Variants in TNFRSF14 observed in about 807,000 individuals in gnomAD.
The protein encoded by TNFRSF14 is tumor necrosis factor receptor superfamily member 14.
In TNFRSF14, 18 loss-of-function variants were observed where a neutral mutation model predicts 34.1. The observed-to-expected ratio is 0.53, with a 90% CI of 0.36 to 0.78. The LOEUF is 0.78. TNFRSF14 is among the 30% of genes least tolerant of loss of function. The probability of loss-of-function intolerance (pLI) is 0.00; values close to 1 mark genes in which losing one functional copy is unlikely to be tolerated. For synonymous variants in TNFRSF14, 157 were observed against 153.2 expected, an observed-to-expected ratio of 1.02 and a Z score of -0.18; for missense variants, 352 against 379.5, an observed-to-expected ratio of 0.93 and a Z score of 0.60.
In TNFRSF14 at chr1:2,560,623, G is replaced by A; in HGVS notation, c.461-1G>A. On this transcript the variant is annotated splice_acceptor_variant, in intron 4 of 7. Transcript: ENST00000355716. LOFTEE classifies it high-confidence loss of function. Reference sequence around the variant, plus strand: ...CCCTCTGTCCGTCCCTCTCTTCTCAGGCACCGAGAGTCAGGACACCCTGTG... The same window carrying A: ...CCCTCTGTCCGTCCCTCTCTTCTCAAGCACCGAGAGTCAGGACACCCTGTG... 1 of 1,612,796 alleles carries A rather than the reference G, an allele frequency of 6.2e-7. No individual in the cohort carries two copies. The highest frequency in any genetic ancestry group is 8.5e-7 in the Non-Finnish European group (1 of 1,179,622).
In TNFRSF14 at chr1:2,560,491, G is replaced by A. The variant is rs1452216266; in HGVS notation, c.461-133G>A. ...CTCCAAGACTCTGGACAGGGAGCCT[G>A]CCCCTCCCCGCTGGTCCTCCCATCA... On this transcript the variant is annotated intron_variant, in intron 4 of 7. Coordinates refer to ENST00000355716, the MANE Select transcript of TNFRSF14 (RefSeq NM_003820.4). The A allele has an allele frequency of 1.1e-5, 7 of 639,496 alleles. No homozygotes were observed. The Admixed American group carries it at 1.8e-4, about 16-fold the overall frequency. The allele number at this position is 639,496 out of a possible 1,614,324, so 39.6% of individuals were successfully genotyped here.
rs763831420 is a variant in TNFRSF14 at position 2,558,480 on chromosome 1, G to A, written c.304+12G>A. 2 of 1,612,420 alleles carry A rather than the reference G, an allele frequency of 1.2e-6. No homozygotes were observed. Among genetic ancestry groups the A allele is most frequent in the Middle Eastern group, 1.7e-4 (1 of 6,008 alleles). ...AATGTGTGACCCAGGTAAGAGGCCA[G>A]CACAGCCGGCCCAGCCTCCGCTTGG... On this transcript the variant is annotated intron_variant, in intron 3 of 7. Coordinates refer to ENST00000355716, the MANE Select transcript of TNFRSF14 (RefSeq NM_003820.4).
At position 2,558,062 on chromosome 1, in the gene TNFRSF14, G is replaced by T. The variant is rs145299955; in HGVS notation, c.178+228G>T. Among the ~76,000 whole-genome samples, 414 of 152,290 alleles carry T rather than the reference G, an allele frequency of 2.7e-3. 1 individual carries two copies. The highest frequency in any genetic ancestry group is 9.4e-3 in the African/African-American group (390 of 41,562). On this transcript the variant is annotated intron_variant, in intron 2 of 7. Coordinates refer to ENST00000355716, the MANE Select transcript of TNFRSF14 (RefSeq NM_003820.4). ...TGCACAGGGGGTGGGTCTGAGAGACGTGGCTGGCCCACCGTGGCCAGAGAC... is the reference window on the plus strand; with the variant it reads ...TGCACAGGGGGTGGGTCTGAGAGACTTGGCTGGCCCACCGTGGCCAGAGAC...
intron 1 of TNFRSF14, 194 bp downstream of exon 1, chr1:2,556,927 A>G (rs772178244): frequency 1.6e-5 from 9 of 567,582 alleles, no homozygotes; most frequent in Admixed American, 3.2e-5. Context: ...TGAGCAGCAG[A>G]GCCACAGCCC....
intron 7 of TNFRSF14, 115 bp downstream of exon 7, chr1:2,563,011 T>G: frequency 6.4e-7 from 1 of 1,554,374 alleles, no homozygotes; most frequent in Non-Finnish European, 8.8e-7. Context: ...CTGAGGGTCC[T>G]GAGTCTTTCA....
chr1:2,560,482 A>C (rs1338822138), intron 4 of TNFRSF14, 142 bp from the exon 5 acceptor site: 4 of 620,442 alleles, frequency 6.4e-6, no homozygotes, highest in Non-Finnish European at 1.1e-5. Context: ...GACTCTGGAC[A>C]GGGAGCCTGC....
Position 2,556,492 on chromosome 1 carries a change from G to T in TNFRSF14, c.-173G>T. 1 of 735,974 alleles carries T rather than the reference G, an allele frequency of 1.4e-6. No homozygotes were observed. Among genetic ancestry groups the T allele is most frequent in the South Asian group, 1.5e-5 (1 of 67,454 alleles). The allele number at this position is 735,974 out of a possible 1,614,324, so 45.6% of individuals were successfully genotyped here. On this transcript the variant is annotated 5_prime_UTR_variant, in exon 1 of 8. Coordinates refer to ENST00000355716, the MANE Select transcript of TNFRSF14 (RefSeq NM_003820.4). Reference sequence around the variant, plus strand: ...CCCTCTCTGCTGCCAGACACCCCCTGCTGCCCACTCTCCTGCTGCTCGGGT... The same window carrying T: ...CCCTCTCTGCTGCCAGACACCCCCTTCTGCCCACTCTCCTGCTGCTCGGGT...
intron 3 of TNFRSF14, 32 bp downstream of exon 3, chr1:2,558,500 G>C (rs779057270): frequency 1.9e-6 from 3 of 1,610,904 alleles, no homozygotes; most frequent in African/African-American, 2.7e-5. Flanking sequence ...CCCAGCCTCC[G>C]CTTGGGCAGC....
At chr1:2,560,376 T>A (rs1444743879) in intron 4 of TNFRSF14, among the ~76,000 whole-genome samples, 1 of 152,072 alleles carries the variant, frequency 6.6e-6, no homozygotes, top group Admixed American at 6.5e-5. Context: ...CCCGCAGCAC[T>A]GCAGGATGTG....
upstream of TNFRSF14, chr1:2,556,360 G>C: frequency 1.5e-6 from 1 of 645,610 alleles, no homozygotes; most frequent in Non-Finnish European, 2.9e-6. Flanking sequence ...CTCCCATCGG[G>C]CGCCTCCTTC....
intron 7 of TNFRSF14, 36 bp downstream of exon 7, chr1:2,562,932 A>T: frequency 3.5e-6 from 5 of 1,425,280 alleles, no homozygotes; most frequent in Non-Finnish European, 4.8e-6. Context: ...TCCCCCCTCC[A>T]CCTTCCCACC....
At chr1:2,560,082 C>T in intron 4 of TNFRSF14, 104 bp downstream of exon 4, 1 of 1,425,092 alleles carries the variant, frequency 7.0e-7, no homozygotes, top group Admixed American at 2.7e-5. Context: ...GCCCAGGGGC[C>T]CTGGTGAGAC....
At chr1:2,562,629 G>T in intron 6 of TNFRSF14, 1 of 615,166 alleles carries the variant, frequency 1.6e-6, no homozygotes, top group Non-Finnish European at 2.9e-6. Context: ...AGCTGGGGAG[G>T]TGGGCCGGGC....
chr1:2,557,545 C>G (rs147429125), intron 1 of TNFRSF14, among the ~76,000 whole-genome samples, 181 bp from the exon 2 acceptor site: 1 of 152,156 alleles, frequency 6.6e-6, no homozygotes, highest in Non-Finnish European at 1.5e-5. Flanking sequence ...CACCCTATCC[C>G]GGGCTCCAGC....
upstream of TNFRSF14, chr1:2,554,612 G>A (rs1037118995): frequency 1.3e-5 from 2 of 152,288 alleles, no homozygotes; most frequent in Admixed American, 1.3e-4. The surrounding 1 kb of genome is among the most constrained non-coding windows in gnomAD (Gnocchi z 4.2). Context: ...CAGCCCCCTT[G>A]AGGCCTGGCA....
At chr1:2,556,066 C>T (rs1053035171), upstream of TNFRSF14, 10 of 270,406 alleles carry the variant, frequency 3.7e-5, no homozygotes, top group Non-Finnish European at 6.7e-5. Context: ...CACCCCCTCA[C>T]GCAGGGACAC....
rs376231259 is a variant in TNFRSF14, at chr1:2,563,295, C to T, written c.*22C>T. Reference sequence around the variant, plus strand: ...CTGACCCACAGACTCTGCACCCCGACGCCAGAGATACCTGGAGCGACGGCT... The same window carrying T: ...CTGACCCACAGACTCTGCACCCCGATGCCAGAGATACCTGGAGCGACGGCT... On this transcript the variant is annotated 3_prime_UTR_variant, in exon 8 of 8. Coordinates refer to ENST00000355716, the MANE Select transcript of TNFRSF14 (RefSeq NM_003820.4). 28 of 1,610,508 alleles carry T rather than the reference C, an allele frequency of 1.7e-5. No individual in the cohort carries two copies. The highest frequency in any genetic ancestry group is 3.3e-5 in the Admixed American group (2 of 59,824).
rs568806266 is a variant in TNFRSF14, at chr1:2,561,942, C to G, written c.694+127C>G. The G allele has an allele frequency of 2.0e-5, 22 of 1,085,562 alleles. No homozygotes were observed. Among genetic ancestry groups the G allele is most frequent in the Non-Finnish European group, 2.9e-5 (22 of 752,720 alleles). The allele number at this position is 1,085,562 out of a possible 1,614,324, so 67.2% of individuals were successfully genotyped here. A position where few individuals can be genotyped will look rare whatever the true frequency, so the allele number is the denominator to read the frequency against. ...TCCGCGGCTCCTCCCAGGGCAGCCA[C>G]TGCAGGCTGGGGCAGGTGGGCTTTC... On this transcript the variant is annotated intron_variant, in intron 6 of 7. Coordinates refer to ENST00000355716, the MANE Select transcript of TNFRSF14 (RefSeq NM_003820.4). This position sits in a 1 kb window ranked among gnomAD's most constrained non-coding sequence, Gnocchi z 6.0.
At position 2,561,787 on chromosome 1, in the gene TNFRSF14, CAT is replaced by C; in HGVS notation, c.669_670del (p.Ile223MetfsTer10). On this transcript the variant is annotated frameshift_variant, in exon 6 of 8. Coordinates refer to ENST00000355716, the MANE Select transcript of TNFRSF14 (RefSeq NM_003820.4). LOFTEE classifies it high-confidence loss of function. The surrounding 1 kb of genome is among the most constrained non-coding windows in gnomAD (Gnocchi z 6.0). ...VIVCSTVGLI[I>X]CVKRRKPRGD... ...TTGTTTGCTCCACAGTTGGCCTAATCATATGTGTGAAAAGAAGAAAGCCAAGG... is the reference window on the plus strand; with the variant it reads ...TTGTTTGCTCCACAGTTGGCCTAATCATGTGTGAAAAGAAGAAAGCCAAGG... 1 of 1,613,874 alleles carries C rather than the reference CAT, an allele frequency of 6.2e-7. No homozygotes were observed. Among genetic ancestry groups the C allele is most frequent in the Non-Finnish European group, 8.5e-7 (1 of 1,179,976 alleles).
Sources: allele counts gnomAD v4.1 joint callset (sites outside exome capture counted in the v4.1 genomes callset), GRCh38; gene constraint gnomAD v4.1.1; non-coding constraint Gnocchi (gnomAD v3.1); transcripts MANE v1.5; gene names NCBI Gene and HGNC (gene_info 2026-07-23, HGNC 2026-07-21).